Variants in CPEB3 observed in about 807,000 individuals in gnomAD.
CPEB3 encodes cytoplasmic polyadenylation element binding protein 3.
CPEB3 carries 20 observed loss-of-function variants against 67.2 expected under a neutral mutation model. The ratio of observed to expected loss-of-function variants is 0.30; its 90% CI spans 0.21 to 0.43. The LOEUF (loss-of-function observed/expected upper bound fraction) is 0.43, where lower values mean the gene tolerates loss of function less well. Among genes scored for constraint, CPEB3 ranks in the 20% least tolerant of loss-of-function variants. CPEB3 has a pLI of 1.00. For synonymous variants in CPEB3, 376 were observed against 393.1 expected (o/e 0.96, Z 0.51); for missense variants, 746 against 968.6 (o/e 0.77, Z 3.05).
chr10:92,137,547 T>C, intron 6 of CPEB3: 2 of 773,466 alleles, frequency 2.6e-6, no homozygotes, highest in Non-Finnish European at 4.6e-6. Context: ...GGGACCCCAT[T>C]TGGATTCCTG....
chr10:92,125,032 A>G (rs898866914), intron 6 of CPEB3, among the ~76,000 whole-genome samples: 1 of 152,228 alleles, frequency 6.6e-6, no homozygotes, highest in Non-Finnish European at 1.5e-5. Flanking sequence ...GGTATTGCAT[A>G]AACTTCCACA....
At chr10:92,289,199 GC>G (rs1326295681) in intron 1 of CPEB3, among the ~76,000 whole-genome samples, 1 of 152,118 alleles carries the variant, frequency 6.6e-6, no homozygotes, top group Non-Finnish European at 1.5e-5. Flanking sequence ...CCAAGATAGT[GC>G]CACTGCACTC....
intron 1 of CPEB3, among the ~76,000 whole-genome samples, chr10:92,269,885 C>G (rs1201495602): frequency 6.6e-6 from 1 of 152,050 alleles, no homozygotes; most frequent in Non-Finnish European, 1.5e-5. Context: ...TATTCTTCCT[C>G]CTCCCTTATC....
intron 7 of CPEB3, among the ~76,000 whole-genome samples, chr10:92,107,385 CCT>C (rs1277082349): frequency 2.6e-5 from 4 of 152,144 alleles, no homozygotes; most frequent in Non-Finnish European, 5.9e-5. Context: ...GCAGGAAACT[CCT>C]CTGATAATCC....
At chr10:92,201,504 G>A (rs1849523480) in intron 2 of CPEB3, among the ~76,000 whole-genome samples, 1 of 152,026 alleles carries the variant, frequency 6.6e-6, no homozygotes, top group Non-Finnish European at 1.5e-5. Flanking sequence ...CTCCAGTCTG[G>A]GCAACAGAAC....
chr10:92,158,837 G>A (rs577259128), intron 4 of CPEB3, among the ~76,000 whole-genome samples: 1 of 152,226 alleles, frequency 6.6e-6, no homozygotes, highest in African/African-American at 2.4e-5. Context: ...TTGTTTAATA[G>A]AGCTAGACTG....
At chr10:92,169,096 C>T (rs1847885748) in intron 4 of CPEB3, among the ~76,000 whole-genome samples, 1 of 150,368 alleles carries the variant, frequency 6.7e-6, no homozygotes, top group African/African-American at 2.4e-5. Flanking sequence ...CGTGCCTGGC[C>T]TAAACCTCTT....
intron 7 of CPEB3, among the ~76,000 whole-genome samples, chr10:92,098,306 C>T (rs1843989241): frequency 6.7e-6 from 1 of 149,362 alleles, no homozygotes; most frequent in South Asian, 2.2e-4. Context: ...TTCTGCCCTA[C>T]TATACCTTAC....
chr10:92,130,117 G>A (rs1845777760), intron 6 of CPEB3, among the ~76,000 whole-genome samples: 1 of 151,224 alleles, frequency 6.6e-6, no homozygotes, highest in African/African-American at 2.4e-5. Context: ...TTCATACTTA[G>A]TTCTCCCTGC....
In CPEB3 at chr10:92,238,155, T is replaced by C. The variant is rs144916687; in HGVS notation, c.1005+1191A>G. 4.5e-3 allele frequency among the ~76,000 whole-genome samples: 691 copies of C among 152,216 alleles called. 12 individuals are homozygous for C. The highest frequency in any genetic ancestry group is 0.01 in the East Asian group (54 of 5,178). ...CATTTCCTTGACCATCCAAATTGGG[T>C]CTTGTTGGAGGCCTTCCCCTCTCCC... On this transcript the variant is annotated intron_variant, in intron 2 of 9. Transcript: ENST00000265997.
chr10:92,118,898 G>T, intron 6 of CPEB3: 3 of 913,790 alleles, frequency 3.3e-6, no homozygotes, highest in South Asian at 2.6e-5. Context: ...GAGGGCAGGG[G>T]CCTCTCTTTT....
chr10:92,214,490 T>G (rs569117835), intron 2 of CPEB3, among the ~76,000 whole-genome samples: 5 of 149,880 alleles, frequency 3.3e-5, no homozygotes, highest in African/African-American at 9.8e-5. Context: ...ACCACTCAAT[T>G]TTTTTTTTTT....
At chr10:92,115,951 G>A (rs1845002504) in intron 6 of CPEB3, among the ~76,000 whole-genome samples, 1 of 152,008 alleles carries the variant, frequency 6.6e-6, no homozygotes, top group African/African-American at 2.4e-5. Flanking sequence ...TGTGATAACA[G>A]AGCCATTTTC....
At chr10:92,136,390 A>T (rs981316526) in intron 6 of CPEB3, among the ~76,000 whole-genome samples, 1 of 152,196 alleles carries the variant, frequency 6.6e-6, no homozygotes, top group African/African-American at 2.4e-5. Flanking sequence ...CAGTCAACAA[A>T]GTGAAGAGAC....
intron 9 of CPEB3, among the ~76,000 whole-genome samples, chr10:92,054,291 GA>G (rs55692823): frequency 0.017 from 2,482 of 141,884 alleles, 36 homozygotes; most frequent in Non-Finnish European, 0.026. Context: ...GGCTCTTAAA[GA>G]AAAAAAAAAA....
chr10:92,270,101 G>C (rs751652131), intron 1 of CPEB3, among the ~76,000 whole-genome samples: 10 of 152,196 alleles, frequency 6.6e-5, no homozygotes, highest in African/African-American at 2.4e-4. Flanking sequence ...CAGTCACTGA[G>C]AGCCTATGCA....
chr10:92,052,045 G>T lies in CPEB3; in HGVS notation c.*167C>A, dbSNP rs1841912350. Reference sequence around the variant, plus strand: ...TGCATTATACTGGACACTGAGTTCAGTAATATGACTGTAAATAATAATAAT... The same window carrying T: ...TGCATTATACTGGACACTGAGTTCATTAATATGACTGTAAATAATAATAAT... On this transcript the variant is annotated 3_prime_UTR_variant, in exon 10 of 10. Transcript: ENST00000265997. The T allele has an allele frequency of 5.1e-6, 3 of 584,514 alleles. No homozygotes were observed. Among genetic ancestry groups the T allele is most frequent in the Non-Finnish European group, 6.1e-6 (2 of 329,124 alleles). The allele number at this position is 584,514 out of a possible 1,614,324, so 36.2% of individuals were successfully genotyped here. A position where few individuals can be genotyped will look rare whatever the true frequency, so the allele number is the denominator to read the frequency against.
intron 2 of CPEB3, among the ~76,000 whole-genome samples, chr10:92,196,174 G>C (rs1849229441): frequency 6.6e-6 from 1 of 152,140 alleles, no homozygotes; most frequent in Non-Finnish European, 1.5e-5. Flanking sequence ...TAACTGGCTA[G>C]AGCCACTAAA....
At chr10:92,228,543 T>C (rs1358427754) in intron 2 of CPEB3, among the ~76,000 whole-genome samples, 1 of 152,130 alleles carries the variant, frequency 6.6e-6, no homozygotes, top group Admixed American at 6.6e-5. Flanking sequence ...ATGTTTCCTC[T>C]GAAATATTCC....
Sources: gnomAD v4.1 joint callset for allele counts (sites outside exome capture counted in the v4.1 genomes callset) on GRCh38, gnomAD v4.1.1 for gene constraint, MANE v1.5 for transcripts, NCBI Gene and HGNC (gene_info 2026-07-23, HGNC 2026-07-21) for gene names.